SHISA6: variants seen among roughly 807,000 people sequenced by gnomAD.
SHISA6 encodes shisa family member 6.
In SHISA6, 22 loss-of-function variants were observed where a neutral mutation model predicts 47.9. The ratio of observed to expected loss-of-function variants is 0.46; its 90% CI spans 0.33 to 0.66. SHISA6 has a LOEUF of 0.66. SHISA6 is among the 30% of genes least tolerant of loss of function. SHISA6 has a pLI of 0.02. For synonymous variants in SHISA6, 388 were observed against 337.8 expected (o/e 1.15, Z -1.63); for missense variants, 680 against 764.6 (o/e 0.89, Z 1.30).
chr17:11,492,157 A>G (rs2071367608), intron 3 of SHISA6, among the ~76,000 whole-genome samples: 1 of 152,082 alleles, frequency 6.6e-6, no homozygotes, highest in Non-Finnish European at 1.5e-5. Context: ...TTGGATCTTT[A>G]TGTTCCTCTT....
chr17:11,337,503 G>A (rs770321190), intron 2 of SHISA6, among the ~76,000 whole-genome samples: 1 of 152,226 alleles, frequency 6.6e-6, no homozygotes, highest in Non-Finnish European at 1.5e-5. Flanking sequence ...TACACAGATA[G>A]CGGTGCAGGG....
intron 3 of SHISA6, among the ~76,000 whole-genome samples, chr17:11,494,706 T>A (rs1216552483): frequency 6.6e-6 from 1 of 152,194 alleles, no homozygotes; most frequent in African/African-American, 2.4e-5. Context: ...AGTTTCTGCT[T>A]ATTTTGGAAG....
chr17:11,241,784 G>T lies in SHISA6; in HGVS notation c.362G>T (p.Cys121Phe). 1 of 1,549,860 alleles carries T rather than the reference G, an allele frequency of 6.5e-7. No homozygotes were observed. ...AGCGAGAGCGGCTACCTGTACTGCT[G>T]CGGTACCTGCTACTACCGCTTCTGC... ...NNSESGYLYC[C>F]GTCYYRFCCK... Residue 121 changes from cysteine to phenylalanine, a missense_variant, in exon 1 of 6, where the codon TGC becomes TTC. By Grantham distance (205) the Cys-to-Phe change is radical. This residue lies in a region of SHISA6 where 559 missense variants were observed against 674.1 expected (regional missense o/e 0.83). Coordinates refer to ENST00000441885, the MANE Select transcript of SHISA6 (RefSeq NM_207386.4). The surrounding 1 kb of genome is among the most constrained non-coding windows in gnomAD (Gnocchi z 5.5).
intron 2 of SHISA6, among the ~76,000 whole-genome samples, chr17:11,268,359 G>A (rs1022513670): frequency 6.6e-6 from 1 of 152,134 alleles, no homozygotes; most frequent in African/African-American, 2.4e-5. Context: ...AGTCCTGCAT[G>A]CCCTGGTTCC....
At chr17:11,314,386 G>A (rs1330612799) in intron 2 of SHISA6, among the ~76,000 whole-genome samples, 1 of 151,602 alleles carries the variant, frequency 6.6e-6, no homozygotes, top group African/African-American at 2.4e-5. Flanking sequence ...TATATTGGGG[G>A]AAAAAACTTT....
chr17:11,305,522 T>C (rs1910081644), intron 2 of SHISA6, among the ~76,000 whole-genome samples: 2 of 152,190 alleles, frequency 1.3e-5, no homozygotes, highest in Admixed American at 1.3e-4. Context: ...CACAGCAGGC[T>C]GGATTGACTG....
At chr17:11,540,149 A>T (rs2071821208) in intron 3 of SHISA6, among the ~76,000 whole-genome samples, 1 of 152,138 alleles carries the variant, frequency 6.6e-6, no homozygotes, top group Admixed American at 6.5e-5. Context: ...GAGTACACTA[A>T]CGTAGCATTT....
At position 11,379,515 on chromosome 17, in the gene SHISA6, G is replaced by C; in HGVS notation, c.895+6G>C. ...AGGAAGAGGACACACCAAGGGTACA[G>C]TGGAAACCATTTTTTACTAAAATAC... On this transcript the variant is annotated splice_donor_region_variant and intron_variant, in intron 3 of 5. Transcript: ENST00000441885. 6.5e-7 allele frequency: 1 copy of C among 1,526,776 alleles called. No individual in the cohort carries two copies. Among genetic ancestry groups the C allele is most frequent in the Non-Finnish European group, 8.8e-7 (1 of 1,133,770 alleles). The allele number at this position is 1,526,776 out of a possible 1,614,324, so 94.6% of individuals were successfully genotyped here. A position where few individuals can be genotyped will look rare whatever the true frequency, so the allele number is the denominator to read the frequency against.
intron 2 of SHISA6, among the ~76,000 whole-genome samples, chr17:11,295,370 G>A (rs1228604988): frequency 1.3e-5 from 2 of 152,188 alleles, no homozygotes; most frequent in African/African-American, 4.8e-5. Context: ...TGAGGATACA[G>A]CTGTGAATAA....
At chr17:11,285,585 A>G (rs1027813851) in intron 2 of SHISA6, among the ~76,000 whole-genome samples, 1 of 152,204 alleles carries the variant, frequency 6.6e-6, no homozygotes, top group African/African-American at 2.4e-5. Context: ...TATGCATTTA[A>G]TGAGAGCTTA....
At chr17:11,354,950 G>A (rs371467228) in intron 2 of SHISA6, among the ~76,000 whole-genome samples, 34 of 152,322 alleles carry the variant, frequency 2.2e-4, no homozygotes, top group African/African-American at 5.1e-4. Context: ...AAGTAAGGTC[G>A]TGATTTGGAG....
chr17:11,282,213 C>T (rs1037255425), intron 2 of SHISA6, among the ~76,000 whole-genome samples: 1 of 152,166 alleles, frequency 6.6e-6, no homozygotes, highest in Non-Finnish European at 1.5e-5. Context: ...GTGTTACCAC[C>T]TCTCTTTACT....
At chr17:11,264,187 T>A (rs1558218) in intron 2 of SHISA6, among the ~76,000 whole-genome samples, 149,483 of 152,306 alleles carry the variant, frequency 0.98, 73,407 homozygotes, top group East Asian at 1. Flanking sequence ...AATAATAATT[T>A]AAAAATCAGT....
At chr17:11,407,641 G>C (rs1171646866) in intron 3 of SHISA6, among the ~76,000 whole-genome samples, 4 of 152,110 alleles carry the variant, frequency 2.6e-5, no homozygotes, top group Non-Finnish European at 5.9e-5. Flanking sequence ...TGTTCCTCGA[G>C]TTTTGCTTGC....
At chr17:11,523,249 A>C (rs1388788652) in intron 3 of SHISA6, among the ~76,000 whole-genome samples, 1 of 151,502 alleles carries the variant, frequency 6.6e-6, no homozygotes, top group Non-Finnish European at 1.5e-5. Context: ...AAGGCAGAAA[A>C]CCCCCCGTTG....
intron 2 of SHISA6, among the ~76,000 whole-genome samples, chr17:11,340,157 C>A (rs913357144): frequency 6.6e-6 from 1 of 152,166 alleles, no homozygotes; most frequent in Admixed American, 6.5e-5. Flanking sequence ...AGCTTGAGCA[C>A]CAATGAACTG....
chr17:11,258,861 C>T (rs914642617), intron 1 of SHISA6, among the ~76,000 whole-genome samples: 2 of 152,228 alleles, frequency 1.3e-5, no homozygotes, highest in African/African-American at 4.8e-5. Flanking sequence ...CGATTAAACA[C>T]TCTCTAAAAT....
intron 3 of SHISA6, among the ~76,000 whole-genome samples, chr17:11,432,937 A>G (rs1239856276): frequency 2.6e-5 from 4 of 152,108 alleles, no homozygotes; most frequent in Non-Finnish European, 5.9e-5. Flanking sequence ...ATGGGTACAG[A>G]GTTTCTTTGT....
At chr17:11,411,665 G>A (rs919816251) in intron 3 of SHISA6, among the ~76,000 whole-genome samples, 4 of 152,124 alleles carry the variant, frequency 2.6e-5, no homozygotes, top group Non-Finnish European at 5.9e-5. Context: ...CCAAAGTGCT[G>A]GGATTACAGG....
Sources: gnomAD v4.1 joint callset for allele counts (sites outside exome capture counted in the v4.1 genomes callset) on GRCh38, gnomAD v4.1.1 for gene constraint, gnomAD v4.1.1 regional missense constraint, Gnocchi (gnomAD v3.1) non-coding constraint, MANE v1.5 for transcripts, NCBI Gene and HGNC (gene_info 2026-07-23, HGNC 2026-07-21) for gene names.